Variants in STIP1 observed in about 807,000 individuals in gnomAD.
The protein encoded by STIP1 is stress induced phosphoprotein 1.
A neutral mutation model predicts 77.4 loss-of-function variants in STIP1; 16 were observed. The ratio of observed to expected loss-of-function variants is 0.21; its 90% CI spans 0.14 to 0.31. The LOEUF (loss-of-function observed/expected upper bound fraction) is 0.31. Ranked by LOEUF, STIP1 falls within the 10% of genes least tolerant of loss-of-function variation. The pLI, the probability that STIP1 is intolerant of heterozygous loss-of-function variation, is 1.00. For synonymous variants in STIP1, 258 were observed against 246.6 expected (o/e 1.05, Z -0.44); for missense variants, 524 against 684.8 (o/e 0.77, Z 2.62).
rs182507044 is a variant in STIP1, at chr11:64,198,938, G to A, written c.1023+964G>A. On this transcript the variant is annotated intron_variant, in intron 8 of 13. Transcript: ENST00000305218. ...GCAATAGCCGGGTGCAGTGGCTCAC[G>A]CCTGTAATCCCAGCACTTTGGGAGG... Among the ~76,000 whole-genome samples the A allele has an allele frequency of 3.6e-3, 545 of 151,746 alleles. 2 individuals are homozygous for A. Among genetic ancestry groups the A allele is most frequent in the Non-Finnish European group, 5.6e-3 (378 of 67,882 alleles).
intron 1 of STIP1, among the ~76,000 whole-genome samples, chr11:64,187,384 C>T (rs954940432): frequency 3.3e-5 from 5 of 151,914 alleles, no homozygotes; most frequent in African/African-American, 1.2e-4. Flanking sequence ...GGTGACAATT[C>T]TGAAACTATA....
intron 11 of STIP1, 24 bp downstream of exon 11, chr11:64,202,936 C>T (rs1450219567): frequency 3.1e-6 from 5 of 1,614,074 alleles, no homozygotes; most frequent in Non-Finnish European, 3.4e-6. Flanking sequence ...TGCTGCCTGT[C>T]CCCTGTCTCT....
chr11:64,186,244 T>G lies in STIP1; in HGVS notation c.-18T>G, dbSNP rs1023112598. On this transcript the variant is annotated 5_prime_UTR_variant, in exon 1 of 14. Coordinates refer to ENST00000305218, the MANE Select transcript of STIP1 (RefSeq NM_006819.3). Reference sequence around the variant, plus strand: ...GCGGACGGATTCGATTCAACGGGGTTCCGGACCGCGCTGCGCTATGGAGCA... The same window carrying G: ...GCGGACGGATTCGATTCAACGGGGTGCCGGACCGCGCTGCGCTATGGAGCA... 3.3e-6 allele frequency: 5 copies of G among 1,505,808 alleles called. No individual in the cohort carries two copies. The highest frequency in any genetic ancestry group is 2.4e-5 in the South Asian group (2 of 83,526). The allele number at this position is 1,505,808 out of a possible 1,614,324, so 93.3% of individuals were successfully genotyped here. A position where few individuals can be genotyped will look rare whatever the true frequency, so the allele number is the denominator to read the frequency against.
chr11:64,191,699 C>G (rs1268567318), intron 1 of STIP1, among the ~76,000 whole-genome samples: 1 of 150,910 alleles, frequency 6.6e-6, no homozygotes, highest in African/African-American at 2.4e-5. Context: ...TGGGGCAGCT[C>G]AGTAAGGAGA....
At chr11:64,196,314 T>G (rs1362416427) in intron 5 of STIP1, among the ~76,000 whole-genome samples, 1 of 146,884 alleles carries the variant, frequency 6.8e-6, no homozygotes, top group Non-Finnish European at 1.5e-5. Flanking sequence ...AAGAATCGCT[T>G]GAACTCGGGA....
At chr11:64,185,964 G>A (rs759846972), upstream of STIP1, 48 of 1,538,462 alleles carry the variant, frequency 3.1e-5, no homozygotes, top group South Asian at 5.1e-4. Flanking sequence ...CATTCGTGGA[G>A]CCTGAGATGG....
chr11:64,188,864 C>G (rs964671072), intron 1 of STIP1, among the ~76,000 whole-genome samples: 1 of 152,152 alleles, frequency 6.6e-6, no homozygotes, highest in African/African-American at 2.4e-5. Flanking sequence ...AAAACAAACA[C>G]GATTTCTCTA....
chr11:64,185,746 C>A, upstream of STIP1: 2 of 1,499,134 alleles, frequency 1.3e-6, no homozygotes, highest in South Asian at 1.2e-5. Flanking sequence ...TGAAGGGCAG[C>A]GATTTAAACC....
chr11:64,201,820 G>A (rs7934801), intron 10 of STIP1, among the ~76,000 whole-genome samples: 18,540 of 152,218 alleles, frequency 0.12, 3,209 homozygotes, highest in African/African-American at 0.38. Flanking sequence ...GAATGAATGG[G>A]ATTTCTGCTG....
chr11:64,193,403 T>C (rs1408320166), intron 2 of STIP1, 116 bp downstream of exon 2: 10 of 859,732 alleles, frequency 1.2e-5, no homozygotes, highest in Non-Finnish European at 1.7e-5. Context: ...ACCTCCCTGT[T>C]TGAGTATCCT....
At chr11:64,198,243 C>CT (rs1187952020) in intron 8 of STIP1, among the ~76,000 whole-genome samples, 4 of 151,102 alleles carry the variant, frequency 2.6e-5, no homozygotes, top group African/African-American at 7.3e-5. Context: ...GAGATGGAGT[C>CT]TGTTTGTCAC....
At chr11:64,201,068 C>G (rs1565283396) in intron 10 of STIP1, among the ~76,000 whole-genome samples, 1 of 150,796 alleles carries the variant, frequency 6.6e-6, no homozygotes, top group Non-Finnish European at 1.5e-5. Context: ...CAAGGTCTGG[C>G]TCTATCGCCC....
Position 64,200,051 on chromosome 11 carries a change from T to G in STIP1, c.1120+15T>G. The G allele has an allele frequency of 6.2e-7, 1 of 1,614,124 alleles. No homozygotes were observed. The highest frequency in any genetic ancestry group is 8.5e-7 in the Non-Finnish European group (1 of 1,180,018). On this transcript the variant is annotated intron_variant, in intron 9 of 13. Coordinates refer to ENST00000305218, the MANE Select transcript of STIP1 (RefSeq NM_006819.3). ...TTTTCAGAAAGGTACTGCCTGCAGC[T>G]GGGGGATTGGGGGAGCAGTGCTGGG... is the stretch of plus-strand genomic sequence containing the variant.
intron 10 of STIP1, among the ~76,000 whole-genome samples, chr11:64,201,281 G>A (rs1178495631): frequency 4.6e-5 from 7 of 152,116 alleles, no homozygotes; most frequent in Non-Finnish European, 8.8e-5. Flanking sequence ...GCTCAAGCGA[G>A]CCTCCTGCCT....
intron 1 of STIP1, among the ~76,000 whole-genome samples, chr11:64,188,488 A>G (rs1248509036): frequency 2.0e-5 from 3 of 152,206 alleles, no homozygotes; most frequent in African/African-American, 7.2e-5. Context: ...CCTGGCCTCA[A>G]GCGATCCTCC....
At chr11:64,196,124 G>A (rs770278323) in intron 5 of STIP1, among the ~76,000 whole-genome samples, 2 of 152,092 alleles carry the variant, frequency 1.3e-5, no homozygotes, top group South Asian at 2.1e-4. Flanking sequence ...GGCCAGGCAC[G>A]GTGGCTCATG....
At chr11:64,194,451 A>G (rs1335835586) in intron 3 of STIP1, 28 bp from the exon 4 acceptor site, 5 of 1,613,582 alleles carry the variant, frequency 3.1e-6, no homozygotes, top group Non-Finnish European at 3.4e-6. Flanking sequence ...CTCATTTCAT[A>G]GTGATGTGCT....
intron 1 of STIP1, among the ~76,000 whole-genome samples, chr11:64,187,207 A>T (rs528742433): frequency 6.6e-6 from 1 of 152,202 alleles, no homozygotes; most frequent in African/African-American, 2.4e-5. Context: ...GCTTGCGGTT[A>T]TGAAAGGCCT....
intron 13 of STIP1, 182 bp downstream of exon 13, chr11:64,203,804 T>G (rs778213200): frequency 1.1e-5 from 9 of 823,680 alleles, no homozygotes; most frequent in Non-Finnish European, 1.7e-5. Flanking sequence ...CGTGATAGCT[T>G]AAGCAGTCAT....
Sources: allele counts gnomAD v4.1 joint callset (sites outside exome capture counted in the v4.1 genomes callset), GRCh38; gene constraint gnomAD v4.1.1; transcripts MANE v1.5; gene names NCBI Gene and HGNC (gene_info 2026-07-23, HGNC 2026-07-21).